SLIT2: variants seen among roughly 807,000 people sequenced by gnomAD.
SLIT2 encodes the protein slit homolog 2 protein.
SLIT2 carries 41 observed loss-of-function variants against 185.7 expected under a neutral mutation model. That is an observed-to-expected ratio of 0.22 (90% CI 0.17 to 0.29). The LOEUF (loss-of-function observed/expected upper bound fraction) is 0.29, where lower values mean the gene tolerates loss of function less well. SLIT2 is among the 10% of genes least tolerant of loss of function. The probability of loss-of-function intolerance (pLI) is 1.00; values close to 1 mark genes in which losing one functional copy is unlikely to be tolerated. For synonymous variants in SLIT2, 693 were observed against 680.2 expected (o/e 1.02, Z -0.29); for missense variants, 1,571 against 1,909.0 (o/e 0.82, Z 3.30).
intron 4 of SLIT2, among the ~76,000 whole-genome samples, chr4:20,368,804 CTTTAATTT>C (rs1723339583): frequency 6.6e-6 from 1 of 152,104 alleles, no homozygotes; most frequent in South Asian, 2.1e-4. Context: ...TATATCCTGA[CTTTAATTT>C]TTTCAGGACC....
chr4:20,475,321 T>C (rs1273140263), intron 5 of SLIT2, among the ~76,000 whole-genome samples: 6 of 151,832 alleles, frequency 4.0e-5, no homozygotes, highest in African/African-American at 1.4e-4. Flanking sequence ...TTTTGGTTTT[T>C]TTTTTTTTTT....
At chr4:20,456,313 C>A (rs1713066447) in intron 4 of SLIT2, among the ~76,000 whole-genome samples, 1 of 152,060 alleles carries the variant, frequency 6.6e-6, no homozygotes, top group African/African-American at 2.4e-5. Flanking sequence ...ATTTTCTTAG[C>A]CCTCATCCCC....
At chr4:20,336,541 G>A (rs1056856711) in intron 4 of SLIT2, among the ~76,000 whole-genome samples, 2 of 152,114 alleles carry the variant, frequency 1.3e-5, no homozygotes, top group Admixed American at 6.5e-5. Flanking sequence ...TGGAGTTGGG[G>A]GAGGGGAGAG....
At chr4:20,594,393 ATG>A (rs1224576472) in intron 30 of SLIT2, among the ~76,000 whole-genome samples, 1 of 151,610 alleles carries the variant, frequency 6.6e-6, no homozygotes, top group Non-Finnish European at 1.5e-5. Flanking sequence ...ATGTATGTGT[ATG>A]TGTGTGTATA....
At chr4:20,365,879 T>G (rs1723076444) in intron 4 of SLIT2, among the ~76,000 whole-genome samples, 1 of 152,190 alleles carries the variant, frequency 6.6e-6, no homozygotes, top group Admixed American at 6.5e-5. Context: ...ATATCATTTT[T>G]AACCTTCATA....
intron 29 of SLIT2, among the ~76,000 whole-genome samples, chr4:20,581,047 A>G (rs1299173838): frequency 1.3e-5 from 2 of 152,188 alleles, no homozygotes; most frequent in Admixed American, 1.3e-4. Context: ...TACTACCTGT[A>G]TTGTTTTGCT....
chr4:20,573,492 A>G (rs1577951783), intron 29 of SLIT2, among the ~76,000 whole-genome samples: 1 of 152,342 alleles, frequency 6.6e-6, no homozygotes, highest in African/African-American at 2.4e-5. Flanking sequence ...GACAATGAAT[A>G]GAAACTTTTT....
intron 4 of SLIT2, among the ~76,000 whole-genome samples, chr4:20,363,343 A>T (rs2109299402): frequency 6.6e-6 from 1 of 152,294 alleles, no homozygotes; most frequent in East Asian, 1.9e-4. Context: ...TAATCCACAG[A>T]TATAAACTAT....
chr4:20,356,225 C>T (rs1722310555), intron 4 of SLIT2, among the ~76,000 whole-genome samples: 1 of 152,118 alleles, frequency 6.6e-6, no homozygotes, highest in African/African-American at 2.4e-5. Context: ...GGAGTCTGGT[C>T]ACTAGAATTT....
intron 4 of SLIT2, among the ~76,000 whole-genome samples, chr4:20,449,658 C>T (rs1007227866): frequency 2.0e-5 from 3 of 152,092 alleles, no homozygotes; most frequent in Non-Finnish European, 4.4e-5. Flanking sequence ...CCACCCACCT[C>T]GGCCTCTCAA....
Position 20,400,200 on chromosome 4 carries a change from A to G in SLIT2, c.396-67552A>G, listed in dbSNP as rs138511753. The stretch of plus-strand genomic sequence containing the variant: ...CATATGTATAAATCCTATAAGTCTT[A>G]TTATGATGGTTATTCTGACTGATAT... On this transcript the variant is annotated intron_variant, in intron 4 of 36. Coordinates refer to ENST00000504154, the MANE Select transcript of SLIT2 (RefSeq NM_004787.4). Among the ~76,000 whole-genome samples the G allele has an allele frequency of 4.8e-3, 735 of 151,882 alleles. 2 individuals are homozygous for G. Among genetic ancestry groups the G allele is most frequent in the Middle Eastern group, 0.017 (5 of 294 alleles).
At chr4:20,361,461 C>G (rs1722740559) in intron 4 of SLIT2, among the ~76,000 whole-genome samples, 1 of 152,092 alleles carries the variant, frequency 6.6e-6, no homozygotes, top group African/African-American at 2.4e-5. Context: ...TTAGATTGTA[C>G]ACATCACTTC....
chr4:20,426,678 A>G (rs1327627918), intron 4 of SLIT2, among the ~76,000 whole-genome samples: 1 of 152,198 alleles, frequency 6.6e-6, no homozygotes, highest in Non-Finnish European at 1.5e-5. Context: ...AACTTAAGAA[A>G]TGAGAGCTGG....
At chr4:20,350,512 G>A (rs905170232) in intron 4 of SLIT2, among the ~76,000 whole-genome samples, 2 of 151,794 alleles carry the variant, frequency 1.3e-5, no homozygotes, top group African/African-American at 4.8e-5. Flanking sequence ...ATCATCTGAT[G>A]GCCCTATCAT....
At chr4:20,346,073 G>T (rs1721385350) in intron 4 of SLIT2, among the ~76,000 whole-genome samples, 1 of 152,002 alleles carries the variant, frequency 6.6e-6, no homozygotes, top group South Asian at 2.1e-4. Flanking sequence ...GGCTACTGCA[G>T]CCTCGAACTT....
At chr4:20,320,710 C>G (rs1304119062) in intron 4 of SLIT2, among the ~76,000 whole-genome samples, 1 of 152,138 alleles carries the variant, frequency 6.6e-6, no homozygotes, top group Non-Finnish European at 1.5e-5. Flanking sequence ...TCACTAATAT[C>G]ACAAAGGGGT....
intron 11 of SLIT2, among the ~76,000 whole-genome samples, chr4:20,518,604 T>C: frequency 3.2e-5 from 1 of 31,704 alleles, no homozygotes; most frequent in Admixed American, 3.5e-4. Context: ...TTTTTTTTTT[T>C]TTTTTTTTTT....
At chr4:20,332,587 C>T (rs560734457) in intron 4 of SLIT2, among the ~76,000 whole-genome samples, 5 of 151,796 alleles carry the variant, frequency 3.3e-5, no homozygotes, top group Middle Eastern at 3.4e-3. Context: ...GAGACTGAGG[C>T]GGGAGAATTG....
At chr4:20,460,104 T>G (rs559941029) in intron 4 of SLIT2, among the ~76,000 whole-genome samples, 1 of 152,026 alleles carries the variant, frequency 6.6e-6, no homozygotes, top group Non-Finnish European at 1.5e-5. Context: ...CCTCAGGTGA[T>G]CCACCCACCT....
Sources: gnomAD v4.1 joint callset for allele counts (sites outside exome capture counted in the v4.1 genomes callset) on GRCh38, gnomAD v4.1.1 for gene constraint, MANE v1.5 for transcripts, NCBI Gene and HGNC (gene_info 2026-07-23, HGNC 2026-07-21) for gene names.